The following NRG1 variants were observed in gnomAD, a reference collection of about 807,000 sequenced individuals.
NRG1 encodes the protein pro-neuregulin-1, membrane-bound isoform.
Under a neutral mutation model 63.8 loss-of-function variants are expected in NRG1, and 18 were observed. That is an observed-to-expected ratio of 0.28 (90% CI 0.19 to 0.42). The LOEUF (loss-of-function observed/expected upper bound fraction) is 0.42. NRG1 is among the 10% of genes least tolerant of loss of function. The pLI is 1.00. For synonymous variants in NRG1, 302 were observed against 301.3 expected (o/e 1.00, Z -0.02); for missense variants, 762 against 814.7 (o/e 0.94, Z 0.79).
At chr8:32,437,306 TTTTGTTTGTTTGTTTTTG>T (rs1178892503) in intron 1 of NRG1, among the ~76,000 whole-genome samples, 5 of 152,048 alleles carry the variant, frequency 3.3e-5, no homozygotes, top group Non-Finnish European at 5.9e-5. Context: ...TTAGTGTTTT[TTTTGTTTGTTTGTTTTTG>T]TTTGTTTGTT....
chr8:32,414,938 G>T (rs760335572), intron 1 of NRG1, among the ~76,000 whole-genome samples: 1 of 152,056 alleles, frequency 6.6e-6, no homozygotes, highest in Admixed American at 6.6e-5. Flanking sequence ...TGTACAGTGC[G>T]AAAAACAGCG....
chr8:31,913,853 A>G (rs1833149839), intron 1 of NRG1, among the ~76,000 whole-genome samples: 2 of 152,204 alleles, frequency 1.3e-5, no homozygotes, highest in Admixed American at 6.5e-5. Flanking sequence ...AATATCAGCC[A>G]TTAATTCTGA....
At chr8:32,108,381 G>A (rs1166557427) in intron 1 of NRG1, among the ~76,000 whole-genome samples, 1 of 152,150 alleles carries the variant, frequency 6.6e-6, no homozygotes, top group Admixed American at 6.6e-5. Context: ...CTTCAGAGGG[G>A]AGGGGAAAGG....
intron 3 of NRG1, among the ~76,000 whole-genome samples, chr8:32,606,236 G>A (rs1438873508): frequency 1.3e-5 from 2 of 150,810 alleles, no homozygotes; most frequent in African/African-American, 4.9e-5. Context: ...TATTCTGTGT[G>A]TGTGCAGAAT....
At chr8:32,511,356 GATATATATGTGTATATATATATATATAT>G (rs1264430721) in intron 1 of NRG1, among the ~76,000 whole-genome samples, 116 of 84,140 alleles carry the variant, frequency 1.4e-3, no homozygotes, top group African/African-American at 4.8e-3. Flanking sequence ...TCTGTCTGTC[GATATATATGTGTATATATATATATATAT>G]ATATATATAT....
intron 1 of NRG1, among the ~76,000 whole-genome samples, chr8:32,414,422 T>G (rs781297418): frequency 6.6e-6 from 1 of 152,216 alleles, no homozygotes; most frequent in Non-Finnish European, 1.5e-5. Context: ...TTTCTTGCCA[T>G]TTCTTAGCAT....
At chr8:32,363,343 T>C (rs968929790) in intron 1 of NRG1, among the ~76,000 whole-genome samples, 1 of 152,186 alleles carries the variant, frequency 6.6e-6, no homozygotes, top group Non-Finnish European at 1.5e-5. Flanking sequence ...TTCGAGTGCA[T>C]TGAAATGCAT....
chr8:31,649,828 A>T (rs1281976410), intron 1 of NRG1, among the ~76,000 whole-genome samples: 1 of 152,192 alleles, frequency 6.6e-6, no homozygotes, highest in Admixed American at 6.5e-5. Flanking sequence ...GAACCTTATC[A>T]TACTTTGATT....
intron 1 of NRG1, among the ~76,000 whole-genome samples, chr8:31,928,221 G>C (rs993387288): frequency 2.6e-5 from 4 of 151,822 alleles, no homozygotes; most frequent in Admixed American, 2.6e-4. Context: ...AGTTCCACTT[G>C]AAAGTGCTGT....
chr8:31,784,379 G>T (rs901950587), intron 1 of NRG1, among the ~76,000 whole-genome samples: 1 of 152,168 alleles, frequency 6.6e-6, no homozygotes, highest in South Asian at 2.1e-4. Context: ...TCCACGTGTG[G>T]CTCTGTAGCA....
chr8:32,473,446 G>A (rs1263344733), intron 1 of NRG1, among the ~76,000 whole-genome samples: 2 of 152,040 alleles, frequency 1.3e-5, no homozygotes, highest in Non-Finnish European at 2.9e-5. Context: ...CCAGATGTTG[G>A]ATCAGAACTC....
intron 6 of NRG1, among the ~76,000 whole-genome samples, chr8:32,728,861 T>G (rs1320100436): frequency 6.6e-6 from 1 of 151,940 alleles, no homozygotes; most frequent in Non-Finnish European, 1.5e-5. Context: ...GTCAGGAGAT[T>G]GAGACCATCC....
At chr8:32,100,061 A>G (rs1830374405) in intron 1 of NRG1, among the ~76,000 whole-genome samples, 1 of 151,632 alleles carries the variant, frequency 6.6e-6, no homozygotes, top group Non-Finnish European at 1.5e-5. Context: ...TTCTCTTTCT[A>G]CCCTTCTTCC....
At chr8:32,513,083 G>A (rs180690716) in intron 1 of NRG1, among the ~76,000 whole-genome samples, 60 of 152,164 alleles carry the variant, frequency 3.9e-4, no homozygotes, top group Admixed American at 3.5e-3. Context: ...GCCAAAGTGA[G>A]ATTAGGATAA....
At chr8:32,419,066 A>G (rs1348944169) in intron 1 of NRG1, among the ~76,000 whole-genome samples, 2 of 152,222 alleles carry the variant, frequency 1.3e-5, no homozygotes, top group Admixed American at 6.5e-5. Context: ...CAGCTATTGT[A>G]TAGTTGTGTT....
intron 1 of NRG1, among the ~76,000 whole-genome samples, chr8:31,785,327 C>T (rs1820068623): frequency 6.6e-6 from 1 of 152,206 alleles, no homozygotes; most frequent in African/African-American, 2.4e-5. Context: ...TGAGCAAGAG[C>T]TGTCAATAAT....
chr8:31,736,543 A>G (rs1814684059), intron 1 of NRG1, among the ~76,000 whole-genome samples: 1 of 152,154 alleles, frequency 6.6e-6, no homozygotes. Flanking sequence ...CCAATCTTGC[A>G]CAGGCAGCCA....
chr8:32,518,193 C>T (rs771563229), intron 1 of NRG1, among the ~76,000 whole-genome samples: 5 of 152,080 alleles, frequency 3.3e-5, no homozygotes, highest in Admixed American at 6.6e-5. Flanking sequence ...TGATCCTGAA[C>T]ATCCTTGCAA....
chr8:31,886,827 C>A (rs891005462), intron 1 of NRG1, among the ~76,000 whole-genome samples: 1 of 151,988 alleles, frequency 6.6e-6, no homozygotes, highest in Non-Finnish European at 1.5e-5. Context: ...CAGTGAGAAA[C>A]CTGTCACTAA....
Sources: allele counts gnomAD v4.1 joint callset (sites outside exome capture counted in the v4.1 genomes callset), GRCh38; gene constraint gnomAD v4.1.1; transcripts MANE v1.5; gene names NCBI Gene and HGNC (gene_info 2026-07-23, HGNC 2026-07-21).